Variants in RASGRF2 observed in about 807,000 individuals in gnomAD.
The protein encoded by RASGRF2 is Ras protein specific guanine nucleotide releasing factor 2.
Under a neutral mutation model 151.0 loss-of-function variants are expected in RASGRF2, and 76 were observed. The ratio of observed to expected loss-of-function variants is 0.50; its 90% confidence interval spans 0.42 to 0.61. RASGRF2 has a LOEUF of 0.61. Among genes scored for constraint, RASGRF2 ranks in the 20% least tolerant of loss-of-function variants. RASGRF2 has a pLI of 0.00. For missense variants in RASGRF2, 1,148 were observed against 1,564.6 expected (o/e 0.73, Z 4.49); for synonymous variants, 504 against 566.5 (o/e 0.89, Z 1.57).
chr5:80,969,163 C>G (rs1318554018), intron 1 of RASGRF2, among the ~76,000 whole-genome samples: 1 of 129,854 alleles, frequency 7.7e-6, no homozygotes, highest in African/African-American at 3.0e-5. Flanking sequence ...TGGAGTCTCG[C>G]TCTGTCACCC....
intron 17 of RASGRF2, among the ~76,000 whole-genome samples, chr5:81,151,686 G>A (rs1034134520): frequency 6.6e-6 from 1 of 152,122 alleles, no homozygotes; most frequent in African/African-American, 2.4e-5. Flanking sequence ...AGTTCTTTGA[G>A]ACTTCCTCTG....
At chr5:81,183,179 A>G in intron 18 of RASGRF2, 1 of 983,972 alleles carries the variant, frequency 1.0e-6, no homozygotes, top group Admixed American at 6.1e-5. Context: ...TGAACTACCC[A>G]GGGAGGCCAC....
At chr5:81,013,502 C>T (rs951321076) in intron 1 of RASGRF2, among the ~76,000 whole-genome samples, 35 of 152,172 alleles carry the variant, frequency 2.3e-4, no homozygotes, top group African/African-American at 7.0e-4. Flanking sequence ...TATATAGACA[C>T]GGAGCTCATG....
chr5:80,970,348 G>A (rs1441729186), intron 1 of RASGRF2, among the ~76,000 whole-genome samples: 1 of 152,138 alleles, frequency 6.6e-6, no homozygotes, highest in Non-Finnish European at 1.5e-5. Context: ...TGATTGCAAG[G>A]GAGAGGTATG....
intron 1 of RASGRF2, among the ~76,000 whole-genome samples, chr5:80,967,526 T>G (rs1259345908): frequency 6.6e-6 from 1 of 152,168 alleles, no homozygotes; most frequent in African/African-American, 2.4e-5. Context: ...TGAAGACCTG[T>G]GGTGATGGAA....
At position 81,208,141 on chromosome 5, in the gene RASGRF2, C is replaced by G. The variant is rs369372039; in HGVS notation, c.3072-213C>G. 3.2e-4 allele frequency among the ~76,000 whole-genome samples: 49 copies of G among 152,258 alleles called. No individual in the cohort carries two copies. The South Asian group carries it at 1.0e-2, about 31-fold the overall frequency. On this transcript the variant is annotated intron_variant, in intron 21 of 26. Transcript: ENST00000265080. ...AGTTCCAAACATTTATAAGAGAAAG[C>G]TGGAAGCTGAAGAATCTTCCTTTTT...
intron 15 of RASGRF2, 111 bp downstream of exon 15, chr5:81,114,031 C>A: frequency 1.5e-6 from 2 of 1,332,442 alleles, no homozygotes; most frequent in Non-Finnish European, 2.0e-6. Context: ...AATACTTCTG[C>A]ATAGAAAGTA....
intron 17 of RASGRF2, among the ~76,000 whole-genome samples, chr5:81,152,313 G>A (rs1024417306): frequency 4.6e-5 from 7 of 152,042 alleles, no homozygotes; most frequent in African/African-American, 1.2e-4. Flanking sequence ...AGATATTTTT[G>A]TTCAAATTCA....
intron 2 of RASGRF2, among the ~76,000 whole-genome samples, chr5:81,054,451 T>C (rs1751128925): frequency 7.4e-6 from 1 of 135,712 alleles, no homozygotes; most frequent in South Asian, 2.8e-4. Flanking sequence ...TGGGGTATTA[T>C]TTCTGAGAGC....
intron 17 of RASGRF2, among the ~76,000 whole-genome samples, chr5:81,162,923 G>A (rs1754420857): frequency 6.6e-6 from 1 of 152,076 alleles, no homozygotes; most frequent in African/African-American, 2.4e-5. Context: ...CTCCAGGCTG[G>A]GCATCTAGGA....
Position 81,094,362 on chromosome 5 carries a change from T to C in RASGRF2, c.1618T>C (p.Ser540Pro). 1 of 1,611,532 alleles carries C rather than the reference T, an allele frequency of 6.2e-7. No homozygotes were observed. Among genetic ancestry groups the C allele is most frequent in the Non-Finnish European group, 8.5e-7 (1 of 1,178,740 alleles). Residue 540 changes from serine (S) to proline (P), a missense_variant and splice_region_variant, in exon 11 of 27, where the codon TCT becomes CCT. Coordinates refer to ENST00000265080, the MANE Select transcript of RASGRF2 (RefSeq NM_006909.3). ...GGAGCCAGATGCAAGCGATGATGAC[T>C]GTAAGTCACCTTCGATCACTTAGGA... ...IEEPDASDDD[S>P]KGSGQVFGHL...
At chr5:81,100,000 C>G (rs1385707438) in intron 12 of RASGRF2, among the ~76,000 whole-genome samples, 5 of 151,174 alleles carry the variant, frequency 3.3e-5, no homozygotes, top group Admixed American at 2.6e-4. Flanking sequence ...CTCCGCCTCC[C>G]GGGTTCACGC....
At chr5:81,005,998 C>A (rs481785) in intron 1 of RASGRF2, among the ~76,000 whole-genome samples, 122,691 of 152,148 alleles carry the variant, frequency 0.81, 49,864 homozygotes, top group Middle Eastern at 0.92. Context: ...CTTCCAAGTT[C>A]AAATGTTCCA....
chr5:80,994,946 A>T lies in RASGRF2; in HGVS notation c.288+33920A>T, dbSNP rs1580178300. 2.6e-5 allele frequency among the ~76,000 whole-genome samples: 4 copies of T among 152,158 alleles called. No individual in the cohort carries two copies. The East Asian group carries it at 7.7e-4, about 29-fold the overall frequency. ...TACCACCACGATTAACATATGGAAT[A>T]TTTTTTTCACCTCCAAAAGTTTACT... On this transcript the variant is annotated intron_variant, in intron 1 of 26. Coordinates refer to ENST00000265080, the MANE Select transcript of RASGRF2 (RefSeq NM_006909.3).
intron 1 of RASGRF2, among the ~76,000 whole-genome samples, chr5:80,979,037 G>C (rs1748217242): frequency 6.6e-6 from 1 of 152,150 alleles, no homozygotes; most frequent in South Asian, 2.1e-4. Flanking sequence ...ATTCTGTAGT[G>C]AACATCAGGA....
chr5:81,191,741 TGTA>T (rs1282276953), intron 18 of RASGRF2, among the ~76,000 whole-genome samples: 2 of 146,958 alleles, frequency 1.4e-5, no homozygotes, highest in Non-Finnish European at 2.9e-5. Flanking sequence ...GGCGTAAAGA[TGTA>T]AGCTTGGAAG....
At chr5:81,094,832 T>G in intron 11 of RASGRF2, 24 bp from the exon 12 acceptor site, 1 of 1,570,582 alleles carries the variant, frequency 6.4e-7, no homozygotes, top group Non-Finnish European at 8.7e-7. Flanking sequence ...TCTCATCTAA[T>G]TGTTTGCTTT....
At chr5:81,177,705 G>A (rs1009069029) in intron 17 of RASGRF2, among the ~76,000 whole-genome samples, 2 of 151,838 alleles carry the variant, frequency 1.3e-5, no homozygotes, top group South Asian at 4.2e-4. Flanking sequence ...TAAAGTAGAT[G>A]TGTGTGGTGC....
chr5:81,100,342 G>T (rs1454791653), intron 12 of RASGRF2, among the ~76,000 whole-genome samples: 1 of 152,088 alleles, frequency 6.6e-6, no homozygotes, highest in Non-Finnish European at 1.5e-5. Context: ...TACAATCCCA[G>T]TTTCCCATAA....
Sources: gnomAD v4.1 joint callset for allele counts (sites outside exome capture counted in the v4.1 genomes callset) on GRCh38, gnomAD v4.1.1 for gene constraint, MANE v1.5 for transcripts, NCBI Gene and HGNC (gene_info 2026-07-23, HGNC 2026-07-21) for gene names.